KCND3: variants seen among roughly 807,000 people sequenced by gnomAD.
The protein encoded by KCND3 is A-type voltage-gated potassium channel KCND3.
KCND3 carries 9 observed loss-of-function variants against 51.1 expected under a neutral mutation model. That is an observed-to-expected ratio of 0.18 (90% CI 0.11 to 0.31). The LOEUF is 0.31. Among genes scored for constraint, KCND3 ranks in the 10% least tolerant of loss-of-function variants. The pLI is 1.00. For missense variants in KCND3, 526 were observed against 903.8 expected (o/e 0.58, Z 5.36); for synonymous variants, 349 against 368.0 (o/e 0.95, Z 0.59).
At chr1:111,908,902 C>T (rs114870824) in intron 2 of KCND3, among the ~76,000 whole-genome samples, 50 of 147,122 alleles carry the variant, frequency 3.4e-4, no homozygotes, top group African/African-American at 1.1e-3. Context: ...CTTCCCATCT[C>T]GGTGGCTAAG....
chr1:111,879,995 G>T (rs1669229969), intron 2 of KCND3, among the ~76,000 whole-genome samples: 1 of 152,134 alleles, frequency 6.6e-6, no homozygotes, highest in Non-Finnish European at 1.5e-5. Context: ...GATGATTATA[G>T]TGGTAACTAC....
chr1:111,941,459 T>G (rs1172247913), intron 2 of KCND3, among the ~76,000 whole-genome samples: 4 of 152,208 alleles, frequency 2.6e-5, no homozygotes, highest in Admixed American at 1.3e-4. Context: ...GCTCCATATC[T>G]ACTGGGGTTT....
rs536858727 is a variant in KCND3 at position 111,866,268 on chromosome 1, T to TC, written c.1107-79163_1107-79162insG. Among the ~76,000 whole-genome samples the TC allele has an allele frequency of 1.9e-4, 24 of 128,452 alleles. 1 individual carries two copies. Among genetic ancestry groups the TC allele is most frequent in the African/African-American group, 5.6e-4 (20 of 35,634 alleles). The allele number at this position is 128,452 out of a possible 152,430, so 84.3% of individuals were successfully genotyped here. A position where few individuals can be genotyped will look rare whatever the true frequency, so the allele number is the denominator to read the frequency against. ...TTCTTTCTTTCTTTTCTTTTCTTTT[T>TC]TTTTTTTTTTTTGACAAGGTCTGGC... On this transcript the variant is annotated intron_variant, in intron 2 of 7. Transcript: ENST00000302127.
intron 2 of KCND3, among the ~76,000 whole-genome samples, chr1:111,902,436 A>G (rs1253673794): frequency 6.6e-6 from 1 of 152,154 alleles, no homozygotes; most frequent in Non-Finnish European, 1.5e-5. Context: ...TGGCTAAGAG[A>G]GGCCCCCAAC....
intron 2 of KCND3, among the ~76,000 whole-genome samples, chr1:111,928,091 A>G (rs201683801): frequency 6.6e-6 from 1 of 151,406 alleles, no homozygotes; most frequent in East Asian, 1.9e-4. Flanking sequence ...CTGACTTTTT[A>G]ATTTTTTTTT....
At chr1:111,896,376 C>T (rs1410356712) in intron 2 of KCND3, among the ~76,000 whole-genome samples, 1 of 152,174 alleles carries the variant, frequency 6.6e-6, no homozygotes, top group African/African-American at 2.4e-5. Context: ...ATTTTTAATA[C>T]CATTTGATTA....
chr1:111,831,404 G>T (rs6666130), intron 2 of KCND3, among the ~76,000 whole-genome samples: 16,635 of 152,032 alleles, frequency 0.11, 1,897 homozygotes, highest in African/African-American at 0.29. Context: ...AAAGTGTGTA[G>T]CACCTCCCCC....
chr1:111,983,872 G>C (rs563943176), intron 1 of KCND3, among the ~76,000 whole-genome samples: 2 of 152,310 alleles, frequency 1.3e-5, no homozygotes, highest in Admixed American at 1.3e-4. Context: ...ATGGCACGGA[G>C]AATTATATTT....
At chr1:111,872,590 G>A (rs554911091) in intron 2 of KCND3, among the ~76,000 whole-genome samples, 1 of 145,770 alleles carries the variant, frequency 6.9e-6, no homozygotes, top group East Asian at 2.4e-4. Context: ...GTCTTTTTTG[G>A]GGAGAAAGAG....
chr1:111,884,287 T>TCCCTCCA (rs1268974419), intron 2 of KCND3, among the ~76,000 whole-genome samples: 2 of 152,166 alleles, frequency 1.3e-5, no homozygotes, highest in Non-Finnish European at 2.9e-5. Flanking sequence ...GGAGTGTTTC[T>TCCCTCCA]CCCTCCATTT....
At chr1:111,777,410 C>T (rs1238113359) in intron 6 of KCND3, 137 bp from the exon 7 acceptor site, 3 of 895,242 alleles carry the variant, frequency 3.4e-6, no homozygotes, top group Non-Finnish European at 3.7e-6. Context: ...CACAGATAAG[C>T]ATTCAGGAGG....
chr1:111,882,385 G>A (rs992222153), intron 2 of KCND3, among the ~76,000 whole-genome samples: 3 of 152,186 alleles, frequency 2.0e-5, no homozygotes, highest in East Asian at 1.9e-4. Context: ...TCTTGACATC[G>A]GTGTTAGAGA....
chr1:111,934,043 C>G (rs1672097408), intron 2 of KCND3, among the ~76,000 whole-genome samples: 1 of 152,194 alleles, frequency 6.6e-6, no homozygotes, highest in Admixed American at 6.5e-5. Flanking sequence ...CTTACTCTCT[C>G]CCTCCCAAAG....
intron 2 of KCND3, among the ~76,000 whole-genome samples, chr1:111,950,423 G>T (rs80011617): frequency 3.3e-5 from 5 of 152,162 alleles, no homozygotes; most frequent in Admixed American, 1.3e-4. Flanking sequence ...TCAAGTGCAA[G>T]ACTTTATCCC....
chr1:111,853,170 T>C (rs1214494421), intron 2 of KCND3, among the ~76,000 whole-genome samples: 1 of 152,220 alleles, frequency 6.6e-6, no homozygotes, highest in Non-Finnish European at 1.5e-5. Flanking sequence ...GGTGAGCCCA[T>C]TGTGCTTGGT....
At chr1:111,921,230 T>C (rs568069656) in intron 2 of KCND3, among the ~76,000 whole-genome samples, 1 of 152,306 alleles carries the variant, frequency 6.6e-6, no homozygotes, top group East Asian at 1.9e-4. Flanking sequence ...TCCTAGGAGT[T>C]GAGTAACTTG....
intron 2 of KCND3, among the ~76,000 whole-genome samples, chr1:111,879,739 C>T (rs1669215322): frequency 6.6e-6 from 1 of 152,222 alleles, no homozygotes; most frequent in Admixed American, 6.5e-5. Flanking sequence ...GAGTGTCTCA[C>T]TTATCTATTC....
chr1:111,823,984 A>G (rs1666463186), intron 2 of KCND3, among the ~76,000 whole-genome samples: 1 of 152,210 alleles, frequency 6.6e-6, no homozygotes, highest in South Asian at 2.1e-4. Flanking sequence ...AGCACTGAGG[A>G]GTAGTGTGGT....
At chr1:111,908,188 C>T (rs1241185163) in intron 2 of KCND3, among the ~76,000 whole-genome samples, 1 of 152,168 alleles carries the variant, frequency 6.6e-6, no homozygotes, top group Non-Finnish European at 1.5e-5. Context: ...TTATTTAGCA[C>T]CTATCATATG....
Sources: gnomAD v4.1 joint callset for allele counts (sites outside exome capture counted in the v4.1 genomes callset) on GRCh38, gnomAD v4.1.1 for gene constraint, MANE v1.5 for transcripts, NCBI Gene and HGNC (gene_info 2026-07-23, HGNC 2026-07-21) for gene names.